Variants in DYNC2LI1 observed in about 807,000 individuals in gnomAD.
DYNC2LI1 encodes dynein cytoplasmic 2 light intermediate chain 1.
DYNC2LI1 carries 45 observed loss-of-function variants against 51.9 expected under a neutral mutation model. The observed-to-expected ratio is 0.87, with a 90% CI of 0.68 to 1.11. DYNC2LI1 has a LOEUF of 1.11. Ranked by LOEUF, DYNC2LI1 falls within the 50% of genes most tolerant of loss-of-function variation. The probability of loss-of-function intolerance (pLI) is 0.00; values close to 1 mark genes in which losing one functional copy is unlikely to be tolerated. For missense variants in DYNC2LI1, 490 were observed against 417.4 expected (o/e 1.17, Z -1.51); for synonymous variants, 130 against 137.8 (o/e 0.94, Z 0.40).
At chr2:43,792,594 A>G (rs1256963303) in intron 5 of DYNC2LI1, 7 of 1,391,324 alleles carry the variant, frequency 5.0e-6, no homozygotes, top group African/African-American at 1.5e-5. Flanking sequence ...TCTCATCACC[A>G]TACATCTCCA....
the DYNC2LI1 span, chr2:43,822,979 G>A: frequency 6.2e-7 from 1 of 1,609,800 alleles, no homozygotes; most frequent in Non-Finnish European, 8.5e-7. Flanking sequence ...TCACCACCCA[G>A]CTGAAAAAGG....
intron 6 of DYNC2LI1, 104 bp from the exon 7 acceptor site, chr2:43,795,786 C>G: frequency 1.2e-6 from 1 of 845,458 alleles, no homozygotes; most frequent in Non-Finnish European, 2.0e-6. Context: ...AAGTAAACAT[C>G]TATGAAGAGA....
chr2:43,801,705 A>G lies in DYNC2LI1; in HGVS notation c.798A>G (p.Gln266=). The change falls in exon 10 of 13, where the codon CAA becomes CAG. Residue 266 remains glutamine (Q), a synonymous_variant. Coordinates refer to ENST00000260605, the MANE Select transcript of DYNC2LI1 (RefSeq NM_016008.4). The stretch of plus-strand genomic sequence containing the variant: ...CAGCAGGATTGGATTCTTTCGGTCA[A>G]ATAGGTTAGTGAACTTATTAAGATT... The part of the protein sequence containing the change: ...FITAGLDSFG[Q]IGSPPVPEND... The G allele has an allele frequency of 6.2e-7, 1 of 1,607,594 alleles. No homozygotes were observed. Among genetic ancestry groups the G allele is most frequent in the East Asian group, 2.2e-5 (1 of 44,732 alleles).
intron 9 of DYNC2LI1, among the ~76,000 whole-genome samples, 171 bp downstream of exon 9, chr2:43,801,088 A>G (rs1268585927): frequency 4.1e-5 from 6 of 148,146 alleles, no homozygotes; most frequent in African/African-American, 1.5e-4. Context: ...TATTTATTTT[A>G]TTATTTATTT....
chr2:43,825,213 G>A, the DYNC2LI1 span, among the ~76,000 whole-genome samples: 1 of 152,064 alleles, frequency 6.6e-6, no homozygotes, highest in Non-Finnish European at 1.5e-5. Context: ...GGAGACATTC[G>A]AAATGCATCC....
At chr2:43,825,764 G>A in the DYNC2LI1 span, among the ~76,000 whole-genome samples, 1 of 151,962 alleles carries the variant, frequency 6.6e-6, no homozygotes, top group Non-Finnish European at 1.5e-5. Context: ...ACACCACCAC[G>A]CCCAACTATC....
chr2:43,811,316 A>C (rs1666472621), downstream of DYNC2LI1, among the ~76,000 whole-genome samples: 1 of 152,202 alleles, frequency 6.6e-6, no homozygotes, highest in Non-Finnish European at 1.5e-5. Flanking sequence ...TAGTCTGATA[A>C]TTTACCAATG....
the DYNC2LI1 span, among the ~76,000 whole-genome samples, chr2:43,820,816 G>A: frequency 2.6e-5 from 4 of 152,056 alleles, no homozygotes; most frequent in Non-Finnish European, 4.4e-5. Flanking sequence ...ACCACACCCA[G>A]CTAATTTTTT....
At chr2:43,813,370 G>A (rs1323773161), downstream of DYNC2LI1, 21 of 1,239,448 alleles carry the variant, frequency 1.7e-5, 1 homozygote, top group Middle Eastern at 1.9e-4. Context: ...TAATCAACAA[G>A]TATTTACCAA....
intron 10 of DYNC2LI1, among the ~76,000 whole-genome samples, chr2:43,802,807 A>G (rs985073590): frequency 2.0e-5 from 3 of 152,208 alleles, no homozygotes; most frequent in Non-Finnish European, 4.4e-5. Context: ...TGTTTAGAAT[A>G]TATAAACTCA....
At chr2:43,822,397 G>T in the DYNC2LI1 span, 2 of 439,488 alleles carry the variant, frequency 4.6e-6, no homozygotes, top group Non-Finnish European at 3.0e-6. Flanking sequence ...TGCCTCCTCT[G>T]TTGGTTGCTG....
intron 2 of DYNC2LI1, among the ~76,000 whole-genome samples, chr2:43,779,743 A>G (rs749347204): frequency 2.6e-5 from 4 of 152,246 alleles, no homozygotes; most frequent in African/African-American, 7.2e-5. Context: ...AGAAAAATGT[A>G]TGAAACAGAT....
chr2:43,779,584 G>A (rs1325864945), intron 2 of DYNC2LI1, among the ~76,000 whole-genome samples: 1 of 152,192 alleles, frequency 6.6e-6, no homozygotes, highest in African/African-American at 2.4e-5. Flanking sequence ...AAATGCTGTG[G>A]TGGAAAACAG....
rs1666414496 is a variant in DYNC2LI1 at position 43,809,739 on chromosome 2, C to G, written c.1028C>G (p.Ser343Cys). 4 of 1,611,920 alleles carry G rather than the reference C, an allele frequency of 2.5e-6. No homozygotes were observed. Among genetic ancestry groups the G allele is most frequent in the Non-Finnish European group, 3.4e-6 (4 of 1,179,136 alleles). ...LEQYKRSSSK[S>C]WKQIELDS ...CAGTACAAAAGAAGTTCTTCCAAGTCTTGGAAACAAATCGAGCTTGATTCT... is the reference window on the plus strand; with the variant it reads ...CAGTACAAAAGAAGTTCTTCCAAGTGTTGGAAACAAATCGAGCTTGATTCT... The change falls in exon 13 of 13, where the codon TCT becomes TGT. Residue 343 changes from serine (S) to cysteine (C), a missense_variant. Physicochemically the swap from Ser to Cys is moderately radical, Grantham distance 112 (BLOSUM62 -1). Coordinates refer to ENST00000260605, the MANE Select transcript of DYNC2LI1 (RefSeq NM_016008.4).
chr2:43,825,966 G>A, the DYNC2LI1 span, among the ~76,000 whole-genome samples: 4 of 150,110 alleles, frequency 2.7e-5, no homozygotes, highest in Non-Finnish European at 4.4e-5. Context: ...CAATTCTCTA[G>A]CACTAACGGT....
At chr2:43,800,805 T>C in intron 8 of DYNC2LI1, 36 bp from the exon 9 acceptor site, 1 of 1,197,030 alleles carries the variant, frequency 8.4e-7, no homozygotes, top group Non-Finnish European at 1.2e-6. Flanking sequence ...GATTGGAAAA[T>C]AGAGCATGTA....
intron 2 of DYNC2LI1, among the ~76,000 whole-genome samples, chr2:43,780,063 G>A (rs1673202649): frequency 6.6e-6 from 1 of 152,200 alleles, no homozygotes; most frequent in Non-Finnish European, 1.5e-5. Context: ...GGTAGGAAGA[G>A]GCTGATGGAG....
In DYNC2LI1 at chr2:43,801,983, A is replaced by C. The variant is rs74737559; in HGVS notation, c.802+274A>C. Among the ~76,000 whole-genome samples the C allele has an allele frequency of 4.6e-3, 707 of 152,208 alleles. 6 individuals are homozygous for C. The highest frequency in any genetic ancestry group is 0.016 in the African/African-American group (685 of 41,552). Reference sequence around the variant, plus strand: ...AAATTGCAAGTATTTTCTTTCCCCAACTGATTTCCAGGTACTTTTAAATTT... The same window carrying C: ...AAATTGCAAGTATTTTCTTTCCCCACCTGATTTCCAGGTACTTTTAAATTT... On this transcript the variant is annotated intron_variant, in intron 10 of 12. Coordinates refer to ENST00000260605, the MANE Select transcript of DYNC2LI1 (RefSeq NM_016008.4).
At chr2:43,826,283 AG>A in the DYNC2LI1 span, 1 of 1,565,856 alleles carries the variant, frequency 6.4e-7, no homozygotes, top group Non-Finnish European at 8.7e-7. Context: ...TACAAGTGTG[AG>A]CCACTGTGCC....
Sources: gnomAD v4.1 joint callset for allele counts (sites outside exome capture counted in the v4.1 genomes callset) on GRCh38, gnomAD v4.1.1 for gene constraint, MANE v1.5 for transcripts, NCBI Gene and HGNC (gene_info 2026-07-23, HGNC 2026-07-21) for gene names.